Variants in DYSF observed in about 807,000 individuals in gnomAD.
DYSF encodes the protein dystrophy-associated fer-1-like 1.
A neutral mutation model predicts 274.9 loss-of-function variants in DYSF; 212 were observed. That is an observed-to-expected ratio of 0.77 (90% CI 0.69 to 0.86). The LOEUF is 0.86. Ranked by LOEUF, DYSF falls within the 40% of genes least tolerant of loss-of-function variation. The pLI is 0.00. For synonymous variants in DYSF, 1,091 were observed against 1,078.7 expected (o/e 1.01, Z -0.22); for missense variants, 2,666 against 2,783.2 (o/e 0.96, Z 0.95).
rs7601926 is a variant in DYSF, at chr2:71,537,457, G to A, written c.1494-1700G>A. 9.8e-3 allele frequency among the ~76,000 whole-genome samples: 1,493 copies of A among 152,088 alleles called. 24 individuals are homozygous for A. Among genetic ancestry groups the A allele is most frequent in the African/African-American group, 0.035 (1,431 of 41,472 alleles). On this transcript the variant is annotated intron_variant, in intron 16 of 55. Coordinates refer to ENST00000410020, the MANE Select transcript of DYSF (RefSeq NM_001130987.2). ...AACGGGGCTTCATCATGTTGGCCAG[G>A]CTGGTCTTGAACTCCTGATCTCAGG...
At chr2:71,483,485 G>T (rs13035702) in intron 3 of DYSF, among the ~76,000 whole-genome samples, 2 of 152,026 alleles carry the variant, frequency 1.3e-5, no homozygotes, top group Non-Finnish European at 2.9e-5. Context: ...GTATTCCAGC[G>T]TGTGGATGTG....
intron 11 of DYSF, among the ~76,000 whole-genome samples, 175 bp from the exon 12 acceptor site, chr2:71,520,614 C>T (rs1306880319): frequency 6.6e-6 from 1 of 152,228 alleles, no homozygotes; most frequent in Non-Finnish European, 1.5e-5. Context: ...ATATTTCTGA[C>T]TCTGACCACA....
intron 40 of DYSF, among the ~76,000 whole-genome samples, chr2:71,618,628 TGTGTTACAGGAGGTG>T (rs2094007125): frequency 1.5e-5 from 1 of 67,570 alleles, no homozygotes. Context: ...AGGTGGTGTG[TGTGTTACAGGAGGTG>T]GTGTGTGTGG....
At chr2:71,590,169 C>T (rs532207205) in intron 31 of DYSF, 42 bp from the exon 32 acceptor site, 5 of 1,607,222 alleles carry the variant, frequency 3.1e-6, no homozygotes, top group African/African-American at 1.3e-5. Context: ...TTAACCACTC[C>T]AGCCACTCAC....
intron 14 of DYSF, among the ~76,000 whole-genome samples, chr2:71,530,268 G>A (rs958082934): frequency 1.3e-5 from 2 of 152,204 alleles, no homozygotes; most frequent in African/African-American, 4.8e-5. Flanking sequence ...CTTGACACTT[G>A]GGGGAATTCA....
intron 53 of DYSF, 61 bp from the exon 54 acceptor site, chr2:71,680,940 A>T: frequency 6.9e-7 from 1 of 1,447,396 alleles, no homozygotes; most frequent in Non-Finnish European, 9.7e-7. Context: ...TGGCCTGGTT[A>T]CTCTCCAGGC....
rs2095084258 is a variant in DYSF, at chr2:71,669,664, G to C, written c.5702G>C (p.Gly1901Ala). ...QKTDVHYRSL[G>A]GEGNFNWRFI... ...ACAGACGTGCATTATCGTTCCCTGG[G>C]AGGTGAAGGCAACTTCAACTGGAGG... is the stretch of plus-strand genomic sequence containing the variant. The change falls in exon 51 of 56, where the codon GGA becomes GCA. Residue 1901 changes from glycine to alanine, a missense_variant. Around this residue, in one of 3 missense-constraint regions of DYSF, gnomAD observed 1,460 missense variants for 1,502.1 expected, o/e 0.97. Transcript: ENST00000410020. 2 of 1,614,166 alleles carry C rather than the reference G, an allele frequency of 1.2e-6. No homozygotes were observed. The highest frequency in any genetic ancestry group is 1.7e-5 in the Admixed American group (1 of 60,026).
chr2:71,572,951 C>T (rs1259719800), intron 29 of DYSF, among the ~76,000 whole-genome samples: 3 of 152,210 alleles, frequency 2.0e-5, no homozygotes, highest in African/African-American at 7.2e-5. Flanking sequence ...TCAGGCCCAT[C>T]GTGCACATGG....
chr2:71,574,380 G>A lies in DYSF; in HGVS notation c.3402+9G>A, dbSNP rs533984377. The A allele has an allele frequency of 2.5e-6, 4 of 1,612,896 alleles. No homozygotes were observed. Among genetic ancestry groups the A allele is most frequent in the South Asian group, 1.1e-5 (1 of 91,038 alleles). ...CCCTTGAGGGGGCCCTGGTATGTGG[G>A]GCTGCACTTGTCCTGGCTTGGGTAG... On this transcript the variant is annotated intron_variant, in intron 30 of 55. Transcript: ENST00000410020.
chr2:71,470,933 AG>A (rs2081991767), intron 1 of DYSF, among the ~76,000 whole-genome samples: 1 of 151,604 alleles, frequency 6.6e-6, no homozygotes, highest in South Asian at 2.1e-4. Context: ...CTGGGATTAC[AG>A]GCACCTGCAA....
chr2:71,532,378 C>A (rs1426976481), intron 14 of DYSF, among the ~76,000 whole-genome samples: 1 of 151,858 alleles, frequency 6.6e-6, no homozygotes, highest in Non-Finnish European at 1.5e-5. Flanking sequence ...AGAGAGTGTA[C>A]TAATAATACT....
rs139973103 is a variant in DYSF at position 71,533,975 on chromosome 2, C to T, written c.1381-1046C>T. The stretch of plus-strand genomic sequence containing the variant: ...ATCGTTGGTCTCTCTTCTTTCCTTA[C>T]TCCTCTCTTTGCTAACTAACACAAG... On this transcript the variant is annotated intron_variant, in intron 14 of 55. Transcript: ENST00000410020. Among the ~76,000 whole-genome samples the T allele has an allele frequency of 5.5e-3, 841 of 152,290 alleles. 8 individuals are homozygous for T. The highest frequency in any genetic ancestry group is 0.015 in the Admixed American group (222 of 15,306).
intron 41 of DYSF, among the ~76,000 whole-genome samples, chr2:71,640,636 A>G (rs2094471557): frequency 6.6e-6 from 1 of 152,104 alleles, no homozygotes; most frequent in African/African-American, 2.4e-5. Context: ...CCACTCTTGT[A>G]TTCTGGAATA....
At chr2:71,515,349 G>A (rs957677826) in intron 7 of DYSF, among the ~76,000 whole-genome samples, 39 of 152,274 alleles carry the variant, frequency 2.6e-4, no homozygotes, top group African/African-American at 8.7e-4. Flanking sequence ...ACATAAATGG[G>A]GGCTGTATCT....
intron 42 of DYSF, among the ~76,000 whole-genome samples, chr2:71,647,078 C>G (rs746656626): frequency 6.6e-6 from 1 of 151,990 alleles, no homozygotes; most frequent in Non-Finnish European, 1.5e-5. Context: ...AATGTATAAA[C>G]TGATATCTCA....
At chr2:71,664,087 C>G (rs952192963) in intron 45 of DYSF, among the ~76,000 whole-genome samples, 181 bp from the exon 46 acceptor site, 14 of 152,196 alleles carry the variant, frequency 9.2e-5, no homozygotes, top group African/African-American at 3.1e-4. Context: ...GTCCTGTCCC[C>G]CTTCCCCCTA....
At chr2:71,542,096 C>T (rs2089975772) in intron 17 of DYSF, among the ~76,000 whole-genome samples, 1 of 152,164 alleles carries the variant, frequency 6.6e-6, no homozygotes, top group African/African-American at 2.4e-5. Flanking sequence ...GCTCTTGGCT[C>T]TGCTTCTTTG....
intron 2 of DYSF, among the ~76,000 whole-genome samples, 170 bp downstream of exon 2, chr2:71,481,108 G>A (rs1035828477): frequency 8.5e-5 from 13 of 152,200 alleles, no homozygotes; most frequent in African/African-American, 3.1e-4. Context: ...AACCTGGGAG[G>A]AGGGTTGGTG....
chr2:71,556,114 C>T (rs1573964163), intron 22 of DYSF, 43 bp downstream of exon 22: 2 of 1,492,460 alleles, frequency 1.3e-6, no homozygotes. Context: ...TCTCCTGGCT[C>T]AACTGGGCCT....
Sources: allele counts gnomAD v4.1 joint callset (sites outside exome capture counted in the v4.1 genomes callset), GRCh38; gene constraint gnomAD v4.1.1; regional missense constraint gnomAD v4.1.1; transcripts MANE v1.5; gene names NCBI Gene and HGNC (gene_info 2026-07-23, HGNC 2026-07-21).